The following TUBGCP3 variants were observed in gnomAD, a reference collection of about 807,000 sequenced individuals.
TUBGCP3 encodes gamma-tubulin complex component 3.
TUBGCP3 carries 50 observed loss-of-function variants against 123.1 expected under a neutral mutation model. The ratio of observed to expected loss-of-function variants is 0.41; its 90% CI spans 0.32 to 0.51. The LOEUF is 0.51. Among genes scored for constraint, TUBGCP3 ranks in the 20% least tolerant of loss-of-function variants. The probability of loss-of-function intolerance (pLI) is 0.36; values close to 1 mark genes in which losing one functional copy is unlikely to be tolerated. For synonymous variants in TUBGCP3, 405 were observed against 413.9 expected, an observed-to-expected ratio of 0.98 and a Z score of 0.26; for missense variants, 882 against 1,127.0, an observed-to-expected ratio of 0.78 and a Z score of 3.11.
intron 12 of TUBGCP3, 135 bp from the exon 13 acceptor site, chr13:112,527,185 T>A (rs1877205630): frequency 1.2e-6 from 1 of 814,270 alleles, no homozygotes; most frequent in Non-Finnish European, 1.9e-6. Flanking sequence ...TGGAGCGAAT[T>A]CTAGTAACTC....
At chr13:112,542,803 T>TA (rs1014022375) in intron 11 of TUBGCP3, among the ~76,000 whole-genome samples, 2 of 152,008 alleles carry the variant, frequency 1.3e-5, no homozygotes, top group African/African-American at 4.8e-5. Flanking sequence ...AAATTGCATA[T>TA]AAAAAATTAA....
In TUBGCP3 at chr13:112,511,655, T is replaced by C. The variant is rs911716527; in HGVS notation, c.2086+4785A>G. The stretch of plus-strand genomic sequence containing the variant: ...TGTGTATCTTAGAAGTGATACAATA[T>C]GGTTAAAAGGAAAACCAAAAAAAAA... On this transcript the variant is annotated intron_variant, in intron 17 of 21. Coordinates refer to ENST00000261965, the MANE Select transcript of TUBGCP3 (RefSeq NM_006322.6). The surrounding 1 kb of genome is among the most constrained non-coding windows in gnomAD (Gnocchi z 4.1). Among the ~76,000 whole-genome samples the C allele has an allele frequency of 1.5e-4, 23 of 149,278 alleles. No homozygotes were observed. Among genetic ancestry groups the C allele is most frequent in the African/African-American group, 5.6e-4 (22 of 38,956 alleles).
intron 11 of TUBGCP3, among the ~76,000 whole-genome samples, chr13:112,537,147 TTA>T (rs1491371995): frequency 8.4e-5 from 9 of 107,740 alleles, no homozygotes; most frequent in African/African-American, 2.9e-4. Context: ...TTTTTTTTTT[TTA>T]AAAAAAAAAA....
intron 20 of TUBGCP3, chr13:112,498,790 G>T: frequency 6.5e-7 from 1 of 1,547,864 alleles, no homozygotes; most frequent in South Asian, 1.2e-5. Flanking sequence ...TAATGAAAAC[G>T]GGCAGGAGAT....
intron 2 of TUBGCP3, among the ~76,000 whole-genome samples, chr13:112,567,256 A>C (rs577866939): frequency 5.3e-5 from 8 of 152,348 alleles, no homozygotes; most frequent in African/African-American, 1.9e-4. Context: ...TTCTTCTTTA[A>C]AAGGAAAATC....
At chr13:112,570,374 C>A (rs1191930204) in intron 1 of TUBGCP3, among the ~76,000 whole-genome samples, 7 of 152,124 alleles carry the variant, frequency 4.6e-5, no homozygotes, top group African/African-American at 1.7e-4. Flanking sequence ...CTGGTTCCAA[C>A]CACCATATTA....
At chr13:112,582,917 A>G (rs1434464809) in intron 1 of TUBGCP3, among the ~76,000 whole-genome samples, 1 of 152,232 alleles carries the variant, frequency 6.6e-6, no homozygotes, top group Non-Finnish European at 1.5e-5. Context: ...AAGAGCGGAT[A>G]GAGGTGAGAA....
At chr13:112,489,862 GCTTA>G in intron 20 of TUBGCP3, 165 bp from the exon 21 acceptor site, 1 of 587,472 alleles carries the variant, frequency 1.7e-6, no homozygotes, top group Non-Finnish European at 3.0e-6. Flanking sequence ...CTGCTCTCCA[GCTTA>G]CTTTTTCCAG....
At chr13:112,495,185 C>CT (rs1880453463) in intron 20 of TUBGCP3, among the ~76,000 whole-genome samples, 1 of 152,174 alleles carries the variant, frequency 6.6e-6, no homozygotes, top group Non-Finnish European at 1.5e-5. Context: ...TTAGTATTTC[C>CT]ATAATGTGAG....
the TUBGCP3 span, among the ~76,000 whole-genome samples, chr13:112,594,034 G>A: frequency 3.7e-4 from 56 of 151,732 alleles, no homozygotes; most frequent in Admixed American, 3.7e-3. Context: ...TTGAATTATA[G>A]TTAACTACAT....
rs759127173 is a variant in TUBGCP3 at position 112,565,203 on chromosome 13, T to C, written c.185-25A>G. ...ACTGAAAAGACAGAAAAAAAATAAG[T>C]GTGGTAACTACAAACACCAAAATTC... On this transcript the variant is annotated intron_variant, in intron 2 of 21. Transcript: ENST00000261965. 28 of 1,602,996 alleles carry C rather than the reference T, an allele frequency of 1.7e-5. No homozygotes were observed. The Admixed American group carries it at 4.5e-4, about 26-fold the overall frequency.
intron 19 of TUBGCP3, among the ~76,000 whole-genome samples, chr13:112,502,962 A>T (rs1159131027): frequency 6.6e-6 from 1 of 152,214 alleles, no homozygotes; most frequent in Non-Finnish European, 1.5e-5. Flanking sequence ...CTTTGATCTT[A>T]ACCATTTTTT....
chr13:112,568,774 G>A (rs1881181402), intron 2 of TUBGCP3, among the ~76,000 whole-genome samples: 1 of 152,234 alleles, frequency 6.6e-6, no homozygotes. Context: ...CTTTCAAACA[G>A]GACAGCTCAT....
In TUBGCP3 at chr13:112,499,197, G is replaced by A; in HGVS notation, c.2308-12C>T. On this transcript the variant is annotated splice_polypyrimidine_tract_variant and intron_variant, in intron 19 of 21. Coordinates refer to ENST00000261965, the MANE Select transcript of TUBGCP3 (RefSeq NM_006322.6). ...TGATTTAAAAGTGCCTGAAAGAGAT[G>A]ACAATGTTTTATGAATAGAGCCTCA... 1 of 1,594,508 alleles carries A rather than the reference G, an allele frequency of 6.3e-7. No homozygotes were observed.
chr13:112,536,224 G>C (rs1018430225), intron 11 of TUBGCP3, among the ~76,000 whole-genome samples: 2 of 152,230 alleles, frequency 1.3e-5, no homozygotes, highest in African/African-American at 4.8e-5. Context: ...TTTGGCCTCA[G>C]GGCCCCTTGT....
intron 21 of TUBGCP3, among the ~76,000 whole-genome samples, chr13:112,488,903 A>G (rs1282994201): frequency 5.6e-5 from 7 of 124,096 alleles, no homozygotes; most frequent in Non-Finnish European, 6.8e-5. Flanking sequence ...GGCCACCCCC[A>G]GGTCCCCACA....
At chr13:112,536,698 C>T (rs1406154494) in intron 11 of TUBGCP3, among the ~76,000 whole-genome samples, 3 of 152,108 alleles carry the variant, frequency 2.0e-5, no homozygotes, top group Non-Finnish European at 4.4e-5. Context: ...ACCTCTCTAC[C>T]TATATATAAT....
chr13:112,575,648 G>A (rs72658016), intron 1 of TUBGCP3, among the ~76,000 whole-genome samples: 23,969 of 152,188 alleles, frequency 0.16, 2,145 homozygotes, highest in Non-Finnish European at 0.21. Flanking sequence ...AACAACACAC[G>A]CTCTTTTCAA....
intron 8 of TUBGCP3, among the ~76,000 whole-genome samples, chr13:112,550,095 G>C (rs1361063512): frequency 1.3e-5 from 2 of 151,944 alleles, no homozygotes; most frequent in Non-Finnish European, 2.9e-5. Flanking sequence ...CCAGTCCTGT[G>C]GCAAGAGCCT....
Sources: gnomAD v4.1 joint callset for allele counts (sites outside exome capture counted in the v4.1 genomes callset) on GRCh38, gnomAD v4.1.1 for gene constraint, Gnocchi (gnomAD v3.1) non-coding constraint, MANE v1.5 for transcripts, NCBI Gene and HGNC (gene_info 2026-07-23, HGNC 2026-07-21) for gene names.